Variants in UBR1 observed in about 807,000 individuals in gnomAD.
The protein encoded by UBR1 is ubiquitin protein ligase E3 component n-recognin 1, also known as E3 ubiquitin-protein ligase UBR1.
A neutral mutation model predicts 242.1 loss-of-function variants in UBR1; 102 were observed. The ratio of observed to expected loss-of-function variants is 0.42; its 90% CI spans 0.36 to 0.50. UBR1 has a LOEUF of 0.50. UBR1 is among the 20% of genes least tolerant of loss of function. The pLI is 0.01. For missense variants in UBR1, 1,772 were observed against 2,101.8 expected (o/e 0.84, Z 3.07); for synonymous variants, 675 against 684.8 (o/e 0.99, Z 0.22).
rs777575882 is a variant in UBR1 at position 43,059,821 on chromosome 15, T to C, written c.866A>G (p.His289Arg). ...CQEAKEDIKSHSENVSQHPLH... is the reference protein window; with the variant it reads ...CQEAKEDIKSRSENVSQHPLH... Reference sequence around the variant, plus strand: ...TGGATGTTGAGAGACATTTTCTGAATGACTCTACAAATGAAGGGAACGAAC... The same window carrying C: ...TGGATGTTGAGAGACATTTTCTGAACGACTCTACAAATGAAGGGAACGAAC... The change falls in exon 8 of 47, where the codon CAT becomes CGT. Residue 289 changes from histidine (H) to arginine (R), a missense_variant. This residue lies in a region of UBR1 where 734 missense variants were observed against 893.3 expected (regional missense o/e 0.82). Transcript: ENST00000290650. 15 of 1,613,922 alleles carry C rather than the reference T, an allele frequency of 9.3e-6. No homozygotes were observed. In the African/African-American group the frequency reaches 2.0e-4, roughly 22 times the overall value.
chr15:43,024,253 A>G (rs1420787422), intron 25 of UBR1, among the ~76,000 whole-genome samples: 1 of 152,208 alleles, frequency 6.6e-6, no homozygotes, highest in East Asian at 1.9e-4. Context: ...AACAATACTC[A>G]AGGAAAAAGG....
intron 12 of UBR1, among the ~76,000 whole-genome samples, 177 bp downstream of exon 12, chr15:43,054,565 T>C (rs959209885): frequency 5.3e-5 from 8 of 152,262 alleles, no homozygotes; most frequent in Middle Eastern, 3.4e-3. Context: ...TACAACTCAA[T>C]AAGAAGCCTT....
chr15:43,102,483 T>A (rs1330703978), intron 1 of UBR1, among the ~76,000 whole-genome samples: 1 of 152,198 alleles, frequency 6.6e-6, no homozygotes, highest in Admixed American at 6.5e-5. Flanking sequence ...CAGAACTAGA[T>A]GAAATCCCCT....
At chr15:42,954,916 C>G (rs1329216374) in intron 44 of UBR1, among the ~76,000 whole-genome samples, 1 of 151,958 alleles carries the variant, frequency 6.6e-6, no homozygotes, top group Non-Finnish European at 1.5e-5. Context: ...CGTCTGTAAT[C>G]CCAGCACTTT....
intron 6 of UBR1, among the ~76,000 whole-genome samples, chr15:43,062,135 T>C (rs1008933285): frequency 1.3e-5 from 2 of 152,158 alleles, no homozygotes; most frequent in Admixed American, 6.5e-5. Flanking sequence ...ATTCCACTTG[T>C]GGGCATGTAC....
intron 5 of UBR1, among the ~76,000 whole-genome samples, chr15:43,069,715 T>C (rs1351086266): frequency 1.3e-5 from 2 of 152,200 alleles, no homozygotes; most frequent in African/African-American, 4.8e-5. Context: ...CAATATGTCA[T>C]GGTCACAATG....
rs373371024 is a variant in UBR1, at chr15:43,004,292, G to A, written c.3416-362C>T. 3.7e-3 allele frequency among the ~76,000 whole-genome samples: 566 copies of A among 151,986 alleles called. 7 individuals carry two copies. Among genetic ancestry groups the A allele is most frequent in the African/African-American group, 0.013 (538 of 41,420 alleles). ...ATAATAATTTTAAGGGATACTTAGGGGAATTATAACCTCATTAAGAAAAGC... is the reference window on the plus strand; with the variant it reads ...ATAATAATTTTAAGGGATACTTAGGAGAATTATAACCTCATTAAGAAAAGC... On this transcript the variant is annotated intron_variant, in intron 30 of 46. Transcript: ENST00000290650.
chr15:43,016,925 C>T (rs1397351089), intron 28 of UBR1, among the ~76,000 whole-genome samples, 170 bp downstream of exon 28: 2 of 152,164 alleles, frequency 1.3e-5, no homozygotes. Flanking sequence ...TTGTCACGTA[C>T]CATTAATCTC....
chr15:43,016,704 G>A (rs1046813401), intron 28 of UBR1, among the ~76,000 whole-genome samples: 1 of 152,108 alleles, frequency 6.6e-6, no homozygotes, highest in Non-Finnish European at 1.5e-5. Flanking sequence ...AGCCTCCCGA[G>A]TAGCTGGGAC....
At chr15:43,023,689 G>A (rs2033141579) in intron 25 of UBR1, among the ~76,000 whole-genome samples, 1 of 148,612 alleles carries the variant, frequency 6.7e-6, no homozygotes, top group East Asian at 2.0e-4. Context: ...ACCTATTACA[G>A]TGGCAAAAAT....
chr15:43,030,401 G>A (rs1215024850), intron 20 of UBR1, among the ~76,000 whole-genome samples: 2 of 152,198 alleles, frequency 1.3e-5, no homozygotes, highest in Non-Finnish European at 2.9e-5. Flanking sequence ...ATTAGCATGT[G>A]TTTCTAACCC....
In UBR1 at chr15:43,096,709, CTT is replaced by C. The variant is rs570688106; in HGVS notation, c.81+9231_81+9232del. 1.9e-3 allele frequency among the ~76,000 whole-genome samples: 290 copies of C among 152,342 alleles called. 2 individuals carry two copies. The highest frequency in any genetic ancestry group is 0.015 in the South Asian group (72 of 4,832). Reference sequence around the variant, plus strand: ...AAGTAGATTCCATCTCAAGAAACCACTTTCTCTGCTCATCCAGAAGAAACAAT... The same window carrying C: ...AAGTAGATTCCATCTCAAGAAACCACTCTCTGCTCATCCAGAAGAAACAAT... On this transcript the variant is annotated intron_variant, in intron 1 of 46. Transcript: ENST00000290650.
intron 1 of UBR1, among the ~76,000 whole-genome samples, chr15:43,094,507 A>G (rs550501315): frequency 6.6e-6 from 1 of 150,966 alleles, no homozygotes; most frequent in African/African-American, 2.4e-5. Flanking sequence ...ATTTTTTTCT[A>G]TTTCTTTTTC....
rs2033018327 is a variant in UBR1 at position 43,015,985 on chromosome 15, T to C, written c.3028-116A>G. The C allele has an allele frequency of 1.1e-5, 10 of 880,402 alleles. 1 individual carries two copies. In the South Asian group the frequency reaches 1.4e-4, roughly 12 times the overall value. The allele number at this position is 880,402 out of a possible 1,614,324, so 54.5% of individuals were successfully genotyped here. Reference sequence around the variant, plus strand: ...TCTGAAACCCTGATTACCCCTTACATCCTGGATTCAGTTTAATGTTTCAAA... The same window carrying C: ...TCTGAAACCCTGATTACCCCTTACACCCTGGATTCAGTTTAATGTTTCAAA... On this transcript the variant is annotated intron_variant, in intron 28 of 46. Transcript: ENST00000290650.
chr15:43,037,974 G>A (rs567132130), intron 16 of UBR1, 91 bp from the exon 17 acceptor site: 50 of 1,337,462 alleles, frequency 3.7e-5, no homozygotes, highest in African/African-American at 2.0e-4. Flanking sequence ...GTTTTCTCAC[G>A]TGAAAAATGG....
At chr15:43,070,979 A>G in intron 4 of UBR1, 54 bp from the exon 5 acceptor site, 1 of 1,596,120 alleles carries the variant, frequency 6.3e-7, no homozygotes. Flanking sequence ...AAATAAATGG[A>G]TAAGGAAGGT....
intron 44 of UBR1, among the ~76,000 whole-genome samples, chr15:42,954,886 C>A (rs935358670): frequency 2.0e-5 from 3 of 151,886 alleles, no homozygotes; most frequent in Non-Finnish European, 4.4e-5. Context: ...AACCTTAAAC[C>A]GGCCAGGTGC....
At chr15:43,052,382 A>T (rs910874379) in intron 12 of UBR1, among the ~76,000 whole-genome samples, 2 of 152,244 alleles carry the variant, frequency 1.3e-5, no homozygotes, top group African/African-American at 4.8e-5. Context: ...AGAAAATAAA[A>T]GCTACAAAAA....
At chr15:42,991,237 C>T (rs2032553328) in intron 33 of UBR1, among the ~76,000 whole-genome samples, 1 of 151,652 alleles carries the variant, frequency 6.6e-6, no homozygotes, top group Admixed American at 6.6e-5. Context: ...GATCGCACCA[C>T]TGCACTCCAG....
Sources: gnomAD v4.1 joint callset for allele counts (sites outside exome capture counted in the v4.1 genomes callset) on GRCh38, gnomAD v4.1.1 for gene constraint, gnomAD v4.1.1 regional missense constraint, MANE v1.5 for transcripts, NCBI Gene and HGNC (gene_info 2026-07-23, HGNC 2026-07-21) for gene names.